Variants in IGFL2 observed in about 807,000 individuals in gnomAD.
The protein encoded by IGFL2 is IGF like family member 2.
IGFL2 carries 7 observed loss-of-function variants against 13.9 expected under a neutral mutation model. That is an observed-to-expected ratio of 0.51 (90% CI 0.29 to 0.95). IGFL2 has a LOEUF of 0.95. Ranked by LOEUF, IGFL2 falls within the 40% of genes least tolerant of loss-of-function variation. The pLI is 0.08. For missense variants in IGFL2, 138 were observed against 147.8 expected, an observed-to-expected ratio of 0.93 and a Z score of 0.34; for synonymous variants, 55 against 55.8, an observed-to-expected ratio of 0.99 and a Z score of 0.07.
At chr19:46,131,068 A>C in the IGFL2 span, among the ~76,000 whole-genome samples, 1 of 152,144 alleles carries the variant, frequency 6.6e-6, no homozygotes, top group African/African-American at 2.4e-5. Flanking sequence ...ATTTTTATTC[A>C]CATATAACTT....
Position 46,160,741 on chromosome 19 carries a change from TC to T in IGFL2, c.207del (p.Cys70AlafsTer23), listed in dbSNP as rs1568434004. The part of the protein sequence containing the change: ...VSLSETRQCG[P>X]PCTFWPCFEL... ...CCCTGAGCGAGACCCGCCAATGTGG[TC>T]CCCCCTGCACCTTCTGGCCCTGCTT... is the stretch of plus-strand genomic sequence containing the variant. On this transcript the variant is annotated frameshift_variant, in exon 3 of 4. Coordinates refer to ENST00000377693, the MANE Select transcript of IGFL2 (RefSeq NM_001135113.2). LOFTEE classifies it high-confidence loss of function. 10 of 1,613,894 alleles carry T rather than the reference TC, an allele frequency of 6.2e-6. No individual in the cohort carries two copies. Among genetic ancestry groups the T allele is most frequent in the Non-Finnish European group, 8.5e-6 (10 of 1,179,998 alleles).
At chr19:46,181,802 C>T in the IGFL2 span, among the ~76,000 whole-genome samples, 1 of 152,180 alleles carries the variant, frequency 6.6e-6, no homozygotes, top group African/African-American at 2.4e-5. Flanking sequence ...AAAGTCTTTG[C>T]AACAATACTG....
chr19:46,161,318 C>CTTTTTT (rs71175262), downstream of IGFL2: 4 of 239,092 alleles, frequency 1.7e-5, 1 homozygote, highest in South Asian at 1.1e-4. Context: ...CGTCTCCTTT[C>CTTTTTT]TTTTTTTTTT....
At chr19:46,096,229 T>A in the IGFL2 span, among the ~76,000 whole-genome samples, 4 of 152,220 alleles carry the variant, frequency 2.6e-5, no homozygotes, top group East Asian at 5.8e-4. Flanking sequence ...TTGAAGGGGT[T>A]CTTCACATCC....
chr19:46,087,124 T>G, the IGFL2 span, among the ~76,000 whole-genome samples: 2 of 152,128 alleles, frequency 1.3e-5, no homozygotes, highest in Non-Finnish European at 2.9e-5. Flanking sequence ...CTTGATCAGG[T>G]ATTGAGAATA....
At chr19:46,098,251 T>C in the IGFL2 span, among the ~76,000 whole-genome samples, 1 of 152,256 alleles carries the variant, frequency 6.6e-6, no homozygotes, top group Non-Finnish European at 1.5e-5. Context: ...TTTACGATTA[T>C]GTAATGCCCT....
chr19:46,151,122 A>G (rs1014529421), intron 1 of IGFL2, among the ~76,000 whole-genome samples: 10 of 152,124 alleles, frequency 6.6e-5, no homozygotes, highest in South Asian at 2.1e-4. Context: ...CTCTACTTCT[A>G]TGAGTTCAAC....
At chr19:46,130,485 T>C in the IGFL2 span, among the ~76,000 whole-genome samples, 3 of 152,220 alleles carry the variant, frequency 2.0e-5, no homozygotes, top group Admixed American at 1.3e-4. Context: ...ATTTAAAATA[T>C]GGCATTTGTT....
chr19:46,147,561 A>T (rs773710458), upstream of IGFL2, among the ~76,000 whole-genome samples: 10 of 152,180 alleles, frequency 6.6e-5, no homozygotes, highest in Non-Finnish European at 2.9e-5. Context: ...TCCTAAAGAA[A>T]ACACCTAAAA....
the IGFL2 span, chr19:46,214,893 G>GCACACA: frequency 6.9e-6 from 1 of 145,764 alleles, no homozygotes; most frequent in East Asian, 2.1e-4. Context: ...ACGCGTGCGC[G>GCACACA]CACACACACA....
At position 46,154,630 on chromosome 19, in the gene IGFL2, T is replaced by A. The variant is rs562855872; in HGVS notation, c.20-5785T>A. Among the ~76,000 whole-genome samples, 5 of 152,006 alleles carry A rather than the reference T, an allele frequency of 3.3e-5. No individual in the cohort carries two copies. The South Asian group carries it at 1.0e-3, about 32-fold the overall frequency. Reference sequence around the variant, plus strand: ...GGCTAATTTTTTTGTATTTTTTTTTTAGTAGAGACGGGGTTTCACTGTGCT... The same window carrying A: ...GGCTAATTTTTTTGTATTTTTTTTTAAGTAGAGACGGGGTTTCACTGTGCT... On this transcript the variant is annotated intron_variant, in intron 1 of 3. Coordinates refer to ENST00000377693, the MANE Select transcript of IGFL2 (RefSeq NM_001135113.2).
the IGFL2 span, among the ~76,000 whole-genome samples, chr19:46,205,770 CAAG>C: frequency 1.3e-5 from 2 of 152,270 alleles, no homozygotes; most frequent in African/African-American, 2.4e-5. Flanking sequence ...CAGCACTCCC[CAAG>C]AAGAAGGATT....
the IGFL2 span, chr19:46,210,286 GGAAAAAT>G: frequency 5.3e-5 from 8 of 152,216 alleles, no homozygotes; most frequent in African/African-American, 1.9e-4. Flanking sequence ...GACATTTAAG[GGAAAAAT>G]GAAAAATGAA....
intron 1 of IGFL2, 33 bp from the exon 2 acceptor site, chr19:46,160,382 C>T (rs1162483229): frequency 2.5e-6 from 4 of 1,597,360 alleles, no homozygotes; most frequent in East Asian, 2.2e-5. Flanking sequence ...ACACTTCCAG[C>T]CCCATCCTTA....
the IGFL2 span, chr19:46,173,891 G>C: frequency 6.6e-6 from 1 of 152,218 alleles, no homozygotes; most frequent in African/African-American, 2.4e-5. Context: ...AACAGAGTTT[G>C]GTACTTGGTA....
At chr19:46,162,610 G>A (rs946619120), downstream of IGFL2, among the ~76,000 whole-genome samples, 2 of 152,122 alleles carry the variant, frequency 1.3e-5, no homozygotes. Flanking sequence ...TGATTGCATT[G>A]TGAAATTCTT....
At chr19:46,112,507 A>G in the IGFL2 span, among the ~76,000 whole-genome samples, 1 of 152,218 alleles carries the variant, frequency 6.6e-6, no homozygotes, top group South Asian at 2.1e-4. Flanking sequence ...ATGTGATACC[A>G]GAACTGTTCC....
the IGFL2 span, chr19:46,123,992 A>G: frequency 6.2e-7 from 1 of 1,611,488 alleles, no homozygotes; most frequent in Non-Finnish European, 8.5e-7. Context: ...TCGGGACAGC[A>G]GAGCTCAAAG....
At chr19:46,117,139 T>A in the IGFL2 span, among the ~76,000 whole-genome samples, 3 of 152,200 alleles carry the variant, frequency 2.0e-5, no homozygotes, top group Non-Finnish European at 4.4e-5. Context: ...TTTAAAATAA[T>A]TTTAAGCTTT....
Sources: gnomAD v4.1 joint callset for allele counts (sites outside exome capture counted in the v4.1 genomes callset) on GRCh38, gnomAD v4.1.1 for gene constraint, MANE v1.5 for transcripts, NCBI Gene and HGNC (gene_info 2026-07-23, HGNC 2026-07-21) for gene names.